Variants in LYST observed in about 807,000 individuals in gnomAD.
LYST encodes the protein lysosomal trafficking regulator.
In LYST, 192 loss-of-function variants were observed where a neutral mutation model predicts 413.6. The observed-to-expected ratio is 0.46, with a 90% CI of 0.41 to 0.52. The LOEUF (loss-of-function observed/expected upper bound fraction) is 0.52, where lower values mean the gene tolerates loss of function less well. LYST is among the 20% of genes least tolerant of loss of function. LYST has a pLI of 0.00. For synonymous variants in LYST, 1,525 were observed against 1,567.3 expected, an observed-to-expected ratio of 0.97 and a Z score of 0.64; for missense variants, 3,815 against 4,499.9, an observed-to-expected ratio of 0.85 and a Z score of 4.35.
chr1:235,677,634 TTAAG>T lies in LYST; in HGVS notation c.10801-19_10801-16del, dbSNP rs1169978577. The T allele has an allele frequency of 3.7e-6, 6 of 1,606,652 alleles. No homozygotes were observed. The highest frequency in any genetic ancestry group is 5.1e-6 in the Non-Finnish European group (6 of 1,173,774). ...ATTTCTGATGGCTGAAATTTTAAAATTAAGTATGAGATAAAAACCACAACAAAAA... is the reference window on the plus strand; with the variant it reads ...ATTTCTGATGGCTGAAATTTTAAAATTATGAGATAAAAACCACAACAAAAA... On this transcript the variant is annotated splice_polypyrimidine_tract_variant and intron_variant, in intron 48 of 52. Transcript: ENST00000389793.
intron 3 of LYST, among the ~76,000 whole-genome samples, chr1:235,822,438 T>C (rs983734548): frequency 2.0e-5 from 3 of 152,206 alleles, no homozygotes; most frequent in Non-Finnish European, 4.4e-5. Context: ...CATTATTGTA[T>C]ATAGGGCATA....
rs1262631910 is a variant in LYST at position 235,857,778 on chromosome 1, C to T, written c.-98+9065G>A. On this transcript the variant is annotated intron_variant, in intron 1 of 52. Coordinates refer to ENST00000389793, the MANE Select transcript of LYST (RefSeq NM_000081.4). ...ACACACACACACACACACACACACA[C>T]ACACACATATATATATAAAATTTCA... Among the ~76,000 whole-genome samples, 787 of 140,690 alleles carry T rather than the reference C, an allele frequency of 5.6e-3. 17 individuals are homozygous for T. The highest frequency in any genetic ancestry group is 0.02 in the African/African-American group (693 of 35,324). The allele number at this position is 140,690 out of a possible 152,430, so 92.3% of individuals were successfully genotyped here. A position where few individuals can be genotyped will look rare whatever the true frequency, so the allele number is the denominator to read the frequency against.
At position 235,662,722 on chromosome 1, in the gene LYST, A is replaced by T; in HGVS notation, c.*218T>A. On this transcript the variant is annotated 3_prime_UTR_variant, in exon 53 of 53. Transcript: ENST00000389793. ...GCTTAAAACTTGTTGGCTAGTGCAT[A>T]TTGACACAATCTTCCAGATTATCAC... 3.3e-6 allele frequency: 2 copies of T among 605,804 alleles called. No homozygotes were observed. Among genetic ancestry groups the T allele is most frequent in the South Asian group, 3.6e-5 (2 of 55,534 alleles). 37.5% of individuals were successfully genotyped at this position (605,804 alleles called of 1,614,324 possible).
At chr1:235,740,410 CAA>C (rs755297999) in intron 31 of LYST, among the ~76,000 whole-genome samples, 2 of 152,146 alleles carry the variant, frequency 1.3e-5, no homozygotes, top group Non-Finnish European at 2.9e-5. Flanking sequence ...TCTTTCCAGT[CAA>C]TTCCCTTTCT....
exon 1 of LYST, chr1:235,883,319 A>T (rs1210354905): frequency 1.3e-5 from 2 of 152,588 alleles, no homozygotes; most frequent in Non-Finnish European, 2.9e-5. Context: ...TCTTGTTTGC[A>T]GTTAGATCCT....
At chr1:235,680,009 A>C (rs1293667029) in intron 48 of LYST, among the ~76,000 whole-genome samples, 1 of 126,704 alleles carries the variant, frequency 7.9e-6, no homozygotes, top group Non-Finnish European at 1.9e-5. Flanking sequence ...CTCTATAAAT[A>C]TCTATGTATA....
Position 235,712,097 on chromosome 1 carries a change from T to G in LYST, c.9885A>C (p.Pro3295=). The G allele has an allele frequency of 6.4e-7, 1 of 1,555,332 alleles. No individual in the cohort carries two copies. Among genetic ancestry groups the G allele is most frequent in the Non-Finnish European group, 8.7e-7 (1 of 1,146,132 alleles). Residue 3295 remains proline, a synonymous_variant, in exon 43 of 53, where the codon CCA becomes CCC. Transcript: ENST00000389793. The part of the protein sequence containing the change: ...ESMTDVKELI[P]EFFYLPEFLV... Reference sequence around the variant, plus strand: ...GGAACTCTGGAAGATAGAAAAACTCTGGGATAAGTTCTTTCACATCAGTCA... The same window carrying G: ...GGAACTCTGGAAGATAGAAAAACTCGGGGATAAGTTCTTTCACATCAGTCA...
At chr1:235,830,196 G>C in intron 3 of LYST, 30 bp downstream of exon 3, 1 of 1,501,142 alleles carries the variant, frequency 6.7e-7, no homozygotes. Flanking sequence ...ATATATTGAT[G>C]AAAGTAAGTA....
intron 3 of LYST, among the ~76,000 whole-genome samples, chr1:235,818,256 G>A (rs1243946746): frequency 6.6e-6 from 1 of 152,130 alleles, no homozygotes; most frequent in East Asian, 1.9e-4. Flanking sequence ...GGACAGGTAG[G>A]CAGTGTCAGA....
chr1:235,677,561 G>A lies in LYST; in HGVS notation c.10859C>T (p.Thr3620Ile). 1 of 1,612,422 alleles carries A rather than the reference G, an allele frequency of 6.2e-7. No individual in the cohort carries two copies. The highest frequency in any genetic ancestry group is 8.5e-7 in the Non-Finnish European group (1 of 1,178,648). ...GTATGGTTTGCAAACAAATAAGCTG[G>A]TTATCTCTTCTGTGTGACCATAGAG... ...IHLYGHTEEI[T>I]SLFVCKPYSI... is the part of the protein sequence containing the mutation. The change falls in exon 49 of 53, where the codon ACC becomes ATC. Residue 3620 changes from threonine (T) to isoleucine (I), a missense_variant. Thr to Ile is a moderately conservative substitution (Grantham distance 89, BLOSUM62 -1). Coordinates refer to ENST00000389793, the MANE Select transcript of LYST (RefSeq NM_000081.4).
intron 1 of LYST, among the ~76,000 whole-genome samples, chr1:235,857,048 C>T (rs756782154): frequency 4.0e-5 from 6 of 150,060 alleles, no homozygotes; most frequent in Admixed American, 6.7e-5. Context: ...TAGGTTCAAG[C>T]GATTCTCATG....
chr1:235,816,027 G>A (rs952033262), intron 3 of LYST, among the ~76,000 whole-genome samples: 4 of 147,472 alleles, frequency 2.7e-5, no homozygotes, highest in Non-Finnish European at 6.0e-5. Flanking sequence ...CCACTCAGGA[G>A]GTTGAGGCAG....
chr1:235,731,273 C>G, intron 34 of LYST, 96 bp from the exon 35 acceptor site: 1 of 1,028,852 alleles, frequency 9.7e-7, no homozygotes, highest in East Asian at 2.4e-5. Context: ...TAAGTCACAA[C>G]TGATCTGTTA....
intron 28 of LYST, among the ~76,000 whole-genome samples, chr1:235,746,859 C>T (rs1464089428): frequency 6.6e-6 from 1 of 152,144 alleles, no homozygotes; most frequent in Non-Finnish European, 1.5e-5. Flanking sequence ...GTTTCAAATA[C>T]TGTTTCACTT....
chr1:235,879,830 G>A (rs1027960532), intron 1 of LYST, among the ~76,000 whole-genome samples: 7 of 151,932 alleles, frequency 4.6e-5, no homozygotes, highest in Non-Finnish European at 5.9e-5. Flanking sequence ...TCTGCCTCCC[G>A]GTTTCAAGTC....
intron 1 of LYST, among the ~76,000 whole-genome samples, chr1:235,878,680 A>G (rs745998392): frequency 6.6e-6 from 1 of 152,154 alleles, no homozygotes; most frequent in Non-Finnish European, 1.5e-5. Context: ...CCAAACCCAT[A>G]GCACCATTTT....
intron 31 of LYST, chr1:235,736,807 G>A (rs1315859057): frequency 6.6e-6 from 1 of 151,508 alleles, no homozygotes; most frequent in Non-Finnish European, 1.5e-5. Flanking sequence ...ATTTACATGT[G>A]TAAATACATG....
At chr1:235,770,443 A>AATTT in intron 19 of LYST, 146 bp from the exon 20 acceptor site, 1 of 794,916 alleles carries the variant, frequency 1.3e-6, no homozygotes. Flanking sequence ...CCAATGTTAA[A>AATTT]ATTTATTCCC....
intron 16 of LYST, among the ~76,000 whole-genome samples, chr1:235,780,142 C>T (rs967744119): frequency 6.6e-6 from 1 of 152,062 alleles, no homozygotes; most frequent in African/African-American, 2.4e-5. Flanking sequence ...CATGGTGGCT[C>T]ATGCCTGTAA....
Sources: allele counts gnomAD v4.1 joint callset (sites outside exome capture counted in the v4.1 genomes callset), GRCh38; gene constraint gnomAD v4.1.1; transcripts MANE v1.5; gene names NCBI Gene and HGNC (gene_info 2026-07-23, HGNC 2026-07-21).